The following PLCXD3 variants were observed in gnomAD, a reference collection of about 807,000 sequenced individuals.
PLCXD3 encodes phosphatidylinositol specific phospholipase C X domain containing 3, also known as PI-PLC X domain-containing protein 3.
PLCXD3 carries 19 observed loss-of-function variants against 25.5 expected under a neutral mutation model. The ratio of observed to expected loss-of-function variants is 0.75; its 90% CI spans 0.52 to 1.09. The LOEUF is 1.09. Ranked by LOEUF, PLCXD3 falls within the 50% of genes least tolerant of loss-of-function variation. PLCXD3 has a pLI of 0.00. For synonymous variants in PLCXD3, 174 were observed against 137.6 expected (o/e 1.26, Z -1.85); for missense variants, 411 against 388.1 (o/e 1.06, Z -0.50).
chr5:41,354,502 C>T (rs1744563052), intron 2 of PLCXD3, among the ~76,000 whole-genome samples: 1 of 152,148 alleles, frequency 6.6e-6, no homozygotes, highest in African/African-American at 2.4e-5. Context: ...TTCTACCTCA[C>T]TAACATATTT....
intron 1 of PLCXD3, among the ~76,000 whole-genome samples, 155 bp from the exon 2 acceptor site, chr5:41,382,689 C>T (rs1580339504): frequency 1.3e-5 from 2 of 151,940 alleles, no homozygotes; most frequent in East Asian, 1.9e-4. Flanking sequence ...TAGGAGGGTC[C>T]TTTATATAAA....
At chr5:41,495,116 T>A (rs979318228) in intron 1 of PLCXD3, among the ~76,000 whole-genome samples, 4 of 152,230 alleles carry the variant, frequency 2.6e-5, no homozygotes, top group African/African-American at 9.6e-5. Context: ...ATTTTTGGCA[T>A]CCTCTCACCA....
chr5:41,454,799 A>G (rs1015076649), intron 1 of PLCXD3, among the ~76,000 whole-genome samples: 2 of 151,950 alleles, frequency 1.3e-5, no homozygotes, highest in African/African-American at 4.8e-5. Flanking sequence ...AAAGAAACCA[A>G]TTGTATTAGT....
chr5:41,510,000 T>C (rs891503302), intron 1 of PLCXD3, among the ~76,000 whole-genome samples: 1 of 152,152 alleles, frequency 6.6e-6, no homozygotes, highest in Non-Finnish European at 1.5e-5. Flanking sequence ...AGGGATAGAC[T>C]CAGGTCCTTG....
At chr5:41,486,761 T>C (rs571666719) in intron 1 of PLCXD3, among the ~76,000 whole-genome samples, 1 of 152,326 alleles carries the variant, frequency 6.6e-6, no homozygotes, top group African/African-American at 2.4e-5. Flanking sequence ...GTGATACACA[T>C]ACTATGTATA....
At chr5:41,361,292 G>C (rs1006790238) in intron 2 of PLCXD3, among the ~76,000 whole-genome samples, 1 of 152,190 alleles carries the variant, frequency 6.6e-6, no homozygotes, top group Non-Finnish European at 1.5e-5. Context: ...TTTCCAGGCA[G>C]CCAATGCCCA....
rs1441334492 is a variant in PLCXD3, at chr5:41,510,503, G to C, written c.24C>G (p.Asn8Lys). MASSQGK[N>K]ELKLADWMAT... Reference sequence around the variant, plus strand: ...CCATCCAGTCGGCTAATTTCAGCTCGTTTTTCCCCTGAGACGAGGCCATCG... The same window carrying C: ...CCATCCAGTCGGCTAATTTCAGCTCCTTTTTCCCCTGAGACGAGGCCATCG... The change falls in exon 1 of 3, where the codon AAC becomes AAG. Residue 8 changes from asparagine to lysine, a missense_variant. By Grantham distance (94) the Asn-to-Lys change is moderately conservative (BLOSUM62 0). Coordinates refer to ENST00000377801, the MANE Select transcript of PLCXD3 (RefSeq NM_001005473.3). 6.2e-7 allele frequency: 1 copy of C among 1,613,252 alleles called. No homozygotes were observed. Among genetic ancestry groups the C allele is most frequent in the South Asian group, 1.1e-5 (1 of 90,978 alleles).
intron 1 of PLCXD3, among the ~76,000 whole-genome samples, chr5:41,508,969 G>C (rs970610352): frequency 6.6e-6 from 1 of 152,160 alleles, no homozygotes; most frequent in Non-Finnish European, 1.5e-5. Context: ...TTCCTGGCCG[G>C]TAGCAAGCTA....
chr5:41,394,058 C>T (rs534555916), intron 1 of PLCXD3, among the ~76,000 whole-genome samples: 123 of 151,972 alleles, frequency 8.1e-4, no homozygotes, highest in African/African-American at 2.9e-3. Context: ...AATGATGAAC[C>T]AATGAAAAAT....
At chr5:41,457,645 T>G (rs528986577) in intron 1 of PLCXD3, among the ~76,000 whole-genome samples, 1 of 152,046 alleles carries the variant, frequency 6.6e-6, no homozygotes, top group South Asian at 2.1e-4. Context: ...GGGACTATAT[T>G]CAGAATGGTG....
At position 41,308,276 on chromosome 5, in the gene PLCXD3, A is replaced by G. The variant is rs550913231; in HGVS notation, c.*5341T>C. 6.6e-6 allele frequency: 1 copy of G among 152,292 alleles called. No individual in the cohort carries two copies. Among genetic ancestry groups the G allele is most frequent in the South Asian group, 2.1e-4 (1 of 4,828 alleles). The allele number at this position is 152,292 out of a possible 1,614,324, so 9.4% of individuals were successfully genotyped here. On this transcript the variant is annotated 3_prime_UTR_variant, in exon 3 of 3. Coordinates refer to ENST00000377801, the MANE Select transcript of PLCXD3 (RefSeq NM_001005473.3). ...ATACCCAGTTACATTTGAATTTCAG[A>G]TAAACTTTTTTTAAAGTGAAAGTAT...
intron 2 of PLCXD3, among the ~76,000 whole-genome samples, chr5:41,324,072 A>G (rs1487615368): frequency 6.6e-6 from 1 of 152,124 alleles, no homozygotes; most frequent in Non-Finnish European, 1.5e-5. Context: ...GATCACTTAG[A>G]TTTTGAGGAG....
rs1747279155 is a variant in PLCXD3, at chr5:41,437,397, A to G, written c.104-54863T>C. On this transcript the variant is annotated intron_variant, in intron 1 of 2. Transcript: ENST00000377801. ...ATAAAATACAGCAATTTCAGGAACT[A>G]TTAAGTATTTACAAAGACTATAATA... is the stretch of plus-strand genomic sequence containing the variant. Among the ~76,000 whole-genome samples, 3 of 152,184 alleles carry G rather than the reference A, an allele frequency of 2.0e-5. No homozygotes were observed. The South Asian group carries it at 6.2e-4, about 31-fold the overall frequency.
Position 41,420,861 on chromosome 5 carries a change from G to A in PLCXD3, c.104-38327C>T, listed in dbSNP as rs1746803638. On this transcript the variant is annotated intron_variant, in intron 1 of 2. Coordinates refer to ENST00000377801, the MANE Select transcript of PLCXD3 (RefSeq NM_001005473.3). ...GTTGCCGTCACTACGCTAATTCTGG[G>A]CAGCTTCTCTCTGCAATCATGTGAC... Among the ~76,000 whole-genome samples the A allele has an allele frequency of 2.0e-5, 3 of 152,248 alleles. No homozygotes were observed. In the South Asian group the frequency reaches 6.2e-4, roughly 32 times the overall value.
At chr5:41,506,687 G>C (rs1749058170) in intron 1 of PLCXD3, among the ~76,000 whole-genome samples, 1 of 152,196 alleles carries the variant, frequency 6.6e-6, no homozygotes. Context: ...AAACTAGTAG[G>C]TCAGACACAA....
At chr5:41,417,813 C>T (rs912905266) in intron 1 of PLCXD3, among the ~76,000 whole-genome samples, 4 of 152,154 alleles carry the variant, frequency 2.6e-5, no homozygotes, top group Admixed American at 2.0e-4. Context: ...GGAGGGCAGC[C>T]AGAGAAACGT....
At chr5:41,491,501 G>A (rs905985434) in intron 1 of PLCXD3, among the ~76,000 whole-genome samples, 1 of 152,122 alleles carries the variant, frequency 6.6e-6, no homozygotes, top group African/African-American at 2.4e-5. Context: ...TTAACTTTCT[G>A]TCTGGTTGAT....
chr5:41,474,478 T>C (rs1157024848), intron 1 of PLCXD3, among the ~76,000 whole-genome samples: 1 of 152,192 alleles, frequency 6.6e-6, no homozygotes, highest in Non-Finnish European at 1.5e-5. Flanking sequence ...GCCTCTAACA[T>C]TTCTCCCTTT....
At chr5:41,462,517 T>C (rs1434015592) in intron 1 of PLCXD3, among the ~76,000 whole-genome samples, 1 of 151,872 alleles carries the variant, frequency 6.6e-6, no homozygotes, top group Non-Finnish European at 1.5e-5. Flanking sequence ...CTAAAGTGAG[T>C]AGAGGGCCCA....
Sources: gnomAD v4.1 joint callset for allele counts (sites outside exome capture counted in the v4.1 genomes callset) on GRCh38, gnomAD v4.1.1 for gene constraint, MANE v1.5 for transcripts, NCBI Gene and HGNC (gene_info 2026-07-23, HGNC 2026-07-21) for gene names.